The following SRPK2 variants were observed in gnomAD, a reference collection of about 807,000 sequenced individuals.
SRPK2 encodes SRSF protein kinase 2, also known as SFRS protein kinase 2.
A neutral mutation model predicts 90.8 loss-of-function variants in SRPK2; 21 were observed. That is an observed-to-expected ratio of 0.23 (90% CI 0.16 to 0.33). The LOEUF (loss-of-function observed/expected upper bound fraction) is 0.33, where lower values mean the gene tolerates loss of function less well. Ranked by LOEUF, SRPK2 falls within the 10% of genes least tolerant of loss-of-function variation. The pLI, the probability that SRPK2 is intolerant of heterozygous loss-of-function variation, is 1.00. For synonymous variants in SRPK2, 288 were observed against 311.1 expected (o/e 0.93, Z 0.78); for missense variants, 620 against 869.0 (o/e 0.71, Z 3.60).
rs56935575 is a variant in SRPK2, at chr7:105,353,544, T to TGTTGTA, written c.71+35103_71+35104insTACAAC. 3.7e-4 allele frequency among the ~76,000 whole-genome samples: 55 copies of TGTTGTA among 150,326 alleles called. No homozygotes were observed. In the East Asian group the frequency reaches 8.1e-3, roughly 22 times the overall value. ...TTGTTGTTGTTGTTGTTGTTGTTGTTTGGTGGAGACAGGGTTTTGTCACGT... is the reference window on the plus strand; with the variant it reads ...TTGTTGTTGTTGTTGTTGTTGTTGTTGTTGTATGGTGGAGACAGGGTTTTGTCACGT... On this transcript the variant is annotated intron_variant, in intron 2 of 15. Coordinates refer to ENST00000393651, the MANE Select transcript of SRPK2 (RefSeq NM_182692.3).
chr7:105,193,111 G>C (rs1004825739), intron 3 of SRPK2, among the ~76,000 whole-genome samples: 3 of 152,110 alleles, frequency 2.0e-5, no homozygotes, highest in Non-Finnish European at 4.4e-5. Flanking sequence ...TGAAATCCTT[G>C]CCTAAGCCAA....
At chr7:105,368,446 A>G (rs1189299009) in intron 2 of SRPK2, among the ~76,000 whole-genome samples, 1 of 152,204 alleles carries the variant, frequency 6.6e-6, no homozygotes, top group African/African-American at 2.4e-5. Context: ...TTTGAGGACT[A>G]GAAACTATTT....
intron 2 of SRPK2, among the ~76,000 whole-genome samples, chr7:105,340,675 C>A (rs1177221192): frequency 1.3e-5 from 2 of 152,046 alleles, no homozygotes; most frequent in African/African-American, 2.4e-5. Flanking sequence ...AACTCCTGGG[C>A]TCGAACGATC....
intron 2 of SRPK2, among the ~76,000 whole-genome samples, chr7:105,331,052 A>T (rs558221794): frequency 8.3e-4 from 126 of 152,220 alleles, no homozygotes; most frequent in Middle Eastern, 3.4e-3. Flanking sequence ...CTATAATCCC[A>T]GCACTTTGGG....
chr7:105,382,090 C>G (rs1821012995), intron 2 of SRPK2, among the ~76,000 whole-genome samples: 1 of 151,708 alleles, frequency 6.6e-6, no homozygotes, highest in East Asian at 1.9e-4. Flanking sequence ...ATCGCTTGAA[C>G]CTGGGAGGTG....
intron 7 of SRPK2, among the ~76,000 whole-genome samples, chr7:105,155,392 T>C (rs1806349965): frequency 1.3e-5 from 2 of 152,204 alleles, no homozygotes; most frequent in Admixed American, 6.5e-5. Context: ...GAGTACAAGA[T>C]AGAAGTGCCA....
At chr7:105,350,529 CTTTTTTTTTTTTT>C (rs71152961) in intron 2 of SRPK2, among the ~76,000 whole-genome samples, 2 of 127,350 alleles carry the variant, frequency 1.6e-5, no homozygotes, top group African/African-American at 6.0e-5. Context: ...AATTTTTTTT[CTTTTTTTTTTTTT>C]TTTGAGACGG....
chr7:105,224,679 G>T (rs1219491891), intron 2 of SRPK2, among the ~76,000 whole-genome samples: 1 of 152,058 alleles, frequency 6.6e-6, no homozygotes, highest in Non-Finnish European at 1.5e-5. Flanking sequence ...TTATCATTTG[G>T]TTAATGTTGG....
intron 2 of SRPK2, chr7:105,302,155 C>G: frequency 1.8e-6 from 2 of 1,100,784 alleles, no homozygotes; most frequent in Non-Finnish European, 2.8e-6. Context: ...TCTTTCATTA[C>G]CATTTTCTGG....
At chr7:105,319,517 G>C (rs1186565425) in intron 2 of SRPK2, among the ~76,000 whole-genome samples, 1 of 88,386 alleles carries the variant, frequency 1.1e-5, no homozygotes, top group Non-Finnish European at 2.5e-5. Context: ...GGGGGGGGGG[G>C]GCGGTGGATG....
chr7:105,182,145 C>T (rs2129598951), intron 3 of SRPK2, among the ~76,000 whole-genome samples: 1 of 149,184 alleles, frequency 6.7e-6, no homozygotes, highest in South Asian at 2.1e-4. Flanking sequence ...GCAGGAGAAT[C>T]GCTTGAACCC....
At chr7:105,210,352 A>G (rs1185517874) in intron 2 of SRPK2, among the ~76,000 whole-genome samples, 1 of 152,072 alleles carries the variant, frequency 6.6e-6, no homozygotes, top group Non-Finnish European at 1.5e-5. Context: ...TGTCCACCCT[A>G]TATCTATAAC....
chr7:105,144,340 A>C (rs1293744640), intron 9 of SRPK2, among the ~76,000 whole-genome samples: 1 of 151,026 alleles, frequency 6.6e-6, no homozygotes, highest in Admixed American at 6.6e-5. Flanking sequence ...TCCTGGGCTC[A>C]AGTGATTCTA....
At chr7:105,337,892 G>T (rs1815291901) in intron 2 of SRPK2, among the ~76,000 whole-genome samples, 1 of 151,984 alleles carries the variant, frequency 6.6e-6, no homozygotes, top group African/African-American at 2.4e-5. Flanking sequence ...GAAATAATAT[G>T]CAAGAGATAT....
chr7:105,171,979 C>T (rs543173889), intron 3 of SRPK2, among the ~76,000 whole-genome samples: 146 of 152,268 alleles, frequency 9.6e-4, no homozygotes, highest in Admixed American at 2.2e-3. Flanking sequence ...CTGCAACCTC[C>T]ACCTCCTGGG....
At chr7:105,347,146 A>G (rs1004177110) in intron 2 of SRPK2, among the ~76,000 whole-genome samples, 2 of 150,784 alleles carry the variant, frequency 1.3e-5, no homozygotes, top group African/African-American at 4.9e-5. Context: ...TGAAACCTCC[A>G]CCTCTGGGCT....
At chr7:105,203,911 A>C in intron 2 of SRPK2, 126 bp from the exon 3 acceptor site, 1 of 1,199,676 alleles carries the variant, frequency 8.3e-7, no homozygotes, top group Non-Finnish European at 1.1e-6. Flanking sequence ...AATGTCATTT[A>C]ATGTCACTTC....
At chr7:105,314,389 C>T (rs888546679) in intron 2 of SRPK2, among the ~76,000 whole-genome samples, 2 of 151,750 alleles carry the variant, frequency 1.3e-5, no homozygotes, top group East Asian at 3.9e-4. Flanking sequence ...TTTCAAAACA[C>T]ATTTTTTATT....
chr7:105,360,585 C>A (rs1319626104), intron 2 of SRPK2, among the ~76,000 whole-genome samples: 3 of 152,084 alleles, frequency 2.0e-5, no homozygotes, highest in African/African-American at 7.2e-5. Flanking sequence ...AATCTCTCAA[C>A]ATTTGCTTGT....
Sources: gnomAD v4.1 joint callset for allele counts (sites outside exome capture counted in the v4.1 genomes callset) on GRCh38, gnomAD v4.1.1 for gene constraint, MANE v1.5 for transcripts, NCBI Gene and HGNC (gene_info 2026-07-23, HGNC 2026-07-21) for gene names.